FRMPD4: variants seen among roughly 807,000 people sequenced by gnomAD.
FRMPD4 encodes the protein FERM and PDZ domain-containing protein 4.
In FRMPD4, 22 loss-of-function variants were observed where a neutral mutation model predicts 94.1. The observed-to-expected ratio is 0.23, with a 90% CI of 0.17 to 0.33. The LOEUF is 0.33. Ranked by LOEUF, FRMPD4 falls within the 10% of genes least tolerant of loss-of-function variation. The pLI is 1.00. For missense variants in FRMPD4, 1,111 were observed against 1,339.9 expected (o/e 0.83, Z 2.67); for synonymous variants, 631 against 548.6 (o/e 1.15, Z -2.10).
intron 2 of FRMPD4, among the ~76,000 whole-genome samples, chrX:12,577,246 C>G (rs1458857955): frequency 1.8e-5 from 2 of 110,966 alleles, no homozygotes. Flanking sequence ...GGCTACGGTC[C>G]AGAGTAGATG....
chrX:11,854,920 T>G (rs1343600973), intron 1 of FRMPD4, among the ~76,000 whole-genome samples: 1 of 111,930 alleles, frequency 8.9e-6, no homozygotes, highest in Non-Finnish European at 1.9e-5. Flanking sequence ...GGACTCTGTG[T>G]GGGGGCTCTG....
chrX:12,717,306 T>A (rs991505292), intron 15 of FRMPD4, among the ~76,000 whole-genome samples, 173 bp downstream of exon 15: 1 of 111,509 alleles, frequency 9.0e-6, no homozygotes, highest in African/African-American at 3.3e-5. Context: ...ATTTCCTTTG[T>A]TATTTTTTTT....
chrX:12,602,526 G>A (rs1211198464), intron 2 of FRMPD4, among the ~76,000 whole-genome samples: 1 of 111,869 alleles, frequency 8.9e-6, no homozygotes, highest in South Asian at 3.8e-4. Flanking sequence ...GAATGAAGTT[G>A]GTGGAGAAAA....
intron 1 of FRMPD4, among the ~76,000 whole-genome samples, chrX:12,377,226 G>A (rs2056251546): frequency 8.9e-6 from 1 of 112,151 alleles, no homozygotes; most frequent in Admixed American, 9.4e-5. Flanking sequence ...TTTTAAGGGG[G>A]ACAAAAAATC....
At chrX:11,954,268 T>TA (rs1367591095) in intron 3 of FRMPD4, among the ~76,000 whole-genome samples, 2 of 112,234 alleles carry the variant, frequency 1.8e-5, no homozygotes, top group Non-Finnish European at 3.8e-5. Flanking sequence ...AACAGAGATT[T>TA]AAAAAAATAC....
rs1368461746 is a variant in FRMPD4 at position 12,712,847 on chromosome X, G to A, written c.1609+2310G>A. Among the ~76,000 whole-genome samples the A allele has an allele frequency of 5.4e-5, 6 of 110,939 alleles. No individual in the cohort carries two copies. The East Asian group carries it at 8.6e-4, about 16-fold the overall frequency. On this transcript the variant is annotated intron_variant, in intron 14 of 16. Transcript: ENST00000675598. ...TCTCAGCACTTGGGGAGTCCGAGGC[G>A]GGTGGATCACTTGAATCCAGGAGCT...
intron 2 of FRMPD4, among the ~76,000 whole-genome samples, chrX:11,875,416 G>T (rs1160411147): frequency 9.0e-6 from 1 of 111,677 alleles, no homozygotes; most frequent in East Asian, 2.8e-4. Context: ...AAAAAGGAAA[G>T]AAAAATCCAC....
At chrX:12,711,517 G>A (rs904198829) in intron 14 of FRMPD4, among the ~76,000 whole-genome samples, 3 of 111,761 alleles carry the variant, frequency 2.7e-5, no homozygotes, top group Non-Finnish European at 5.6e-5. Flanking sequence ...TCCTTTGACA[G>A]TAGGTGGTTT....
At chrX:12,049,801 C>T (rs1288565103) in intron 3 of FRMPD4, among the ~76,000 whole-genome samples, 1 of 111,014 alleles carries the variant, frequency 9.0e-6, no homozygotes, top group African/African-American at 3.3e-5. Flanking sequence ...AGGTGAAAGA[C>T]AATGATAGTG....
intron 1 of FRMPD4, among the ~76,000 whole-genome samples, chrX:12,365,039 T>TC (rs1023604936): frequency 8.9e-6 from 1 of 112,605 alleles, no homozygotes; most frequent in African/African-American, 3.2e-5. Context: ...TTAATTTGAT[T>TC]CTGTATCTTT....
chrX:12,347,194 T>C (rs767460126), intron 1 of FRMPD4, among the ~76,000 whole-genome samples: 1 of 112,131 alleles, frequency 8.9e-6, no homozygotes, highest in East Asian at 2.8e-4. Context: ...TTTTAAGAAT[T>C]CTGGCACTGT....
At chrX:12,280,287 T>G (rs941522889) in intron 1 of FRMPD4, among the ~76,000 whole-genome samples, 8 of 94,404 alleles carry the variant, frequency 8.5e-5, no homozygotes, top group Admixed American at 2.6e-4. Context: ...TAAAACCAAG[T>G]TTATGAGCAA....
intron 3 of FRMPD4, among the ~76,000 whole-genome samples, chrX:12,041,062 T>C (rs770442500): frequency 4.5e-5 from 5 of 111,905 alleles, no homozygotes; most frequent in African/African-American, 1.6e-4. Flanking sequence ...CAGCAAAATA[T>C]AGCAACTTTC....
intron 3 of FRMPD4, chrX:12,054,718 A>T (rs923819174): frequency 4.5e-5 from 5 of 112,072 alleles, no homozygotes; most frequent in Non-Finnish European, 9.4e-5. Flanking sequence ...TGAACATAAA[A>T]TGGTTATTTT....
At chrX:12,516,806 C>T (rs959078281) in intron 2 of FRMPD4, among the ~76,000 whole-genome samples, 5 of 110,711 alleles carry the variant, frequency 4.5e-5, no homozygotes, top group Middle Eastern at 4.2e-3. Flanking sequence ...TGGTTCTGTT[C>T]CCCCTGTCTC....
Position 12,046,687 on chromosome X carries a change from A to C in FRMPD4, c.95+168669A>C, listed in dbSNP as rs921296008. Among the ~76,000 whole-genome samples, 3 of 112,164 alleles carry C rather than the reference A, an allele frequency of 2.7e-5. No homozygotes were observed. In the Admixed American group the frequency reaches 2.8e-4, roughly 11 times the overall value. On this transcript the variant is annotated intron_variant, in intron 3 of 18. Coordinates refer to the FRMPD4 transcript ENST00000640291. ...TACAGATGAAGACATGTGAAGGGTG[A>C]GGGATGGGGGAAGGGGCATGGGAAT...
At chrX:12,091,018 A>G (rs944681705) in intron 3 of FRMPD4, among the ~76,000 whole-genome samples, 1 of 112,072 alleles carries the variant, frequency 8.9e-6, no homozygotes, top group Non-Finnish European at 1.9e-5. Flanking sequence ...CTTGGAGAGT[A>G]TTAGAATGGC....
intron 2 of FRMPD4, among the ~76,000 whole-genome samples, chrX:12,524,263 A>G (rs1160667671): frequency 8.9e-6 from 1 of 112,318 alleles, no homozygotes; most frequent in Non-Finnish European, 1.9e-5. Context: ...ACTCAGATGG[A>G]CTGGAATCTC....
chrX:12,160,679 T>G (rs185224445), intron 1 of FRMPD4, among the ~76,000 whole-genome samples: 6 of 111,797 alleles, frequency 5.4e-5, no homozygotes, highest in Non-Finnish European at 9.4e-5. Context: ...CAAGATATAA[T>G]TATCTTCTTT....
Sources: gnomAD v4.1 joint callset for allele counts (sites outside exome capture counted in the v4.1 genomes callset) on GRCh38, gnomAD v4.1.1 for gene constraint, MANE v1.5 for transcripts, NCBI Gene and HGNC (gene_info 2026-07-23, HGNC 2026-07-21) for gene names.